ABCC1: variants seen among roughly 807,000 people sequenced by gnomAD.
ABCC1 encodes multidrug resistance-associated protein 1.
Under a neutral mutation model 172.9 loss-of-function variants are expected in ABCC1, and 83 were observed. The ratio of observed to expected loss-of-function variants is 0.48; its 90% CI spans 0.40 to 0.58. ABCC1 has a LOEUF of 0.58. ABCC1 is among the 20% of genes least tolerant of loss of function. The pLI, the probability that ABCC1 is intolerant of heterozygous loss-of-function variation, is 0.00. For synonymous variants in ABCC1, 937 were observed against 825.2 expected (o/e 1.14, Z -2.32); for missense variants, 1,817 against 2,002.7 (o/e 0.91, Z 1.77).
chr16:16,034,377 A>G (rs1404854481), intron 6 of ABCC1, among the ~76,000 whole-genome samples: 5 of 152,100 alleles, frequency 3.3e-5, no homozygotes, highest in African/African-American at 1.2e-4. Context: ...GATGTTTTAA[A>G]TAATTTCTTC....
chr16:16,012,553 T>G (rs1011979171), intron 3 of ABCC1, among the ~76,000 whole-genome samples: 1 of 151,356 alleles, frequency 6.6e-6, no homozygotes, highest in African/African-American at 2.4e-5. Context: ...CAGGCTAGTC[T>G]TAAACTCCCG....
intron 13 of ABCC1, among the ~76,000 whole-genome samples, chr16:16,069,681 A>G (rs557476308): frequency 3.9e-5 from 6 of 152,254 alleles, no homozygotes; most frequent in Non-Finnish European, 4.4e-5. Context: ...AAGTGTACAC[A>G]GAAGTAGAAT....
intron 8 of ABCC1, among the ~76,000 whole-genome samples, chr16:16,045,299 G>A (rs2049158263): frequency 6.8e-6 from 1 of 147,172 alleles, no homozygotes; most frequent in Non-Finnish European, 1.5e-5. Context: ...TCAGGAGGCT[G>A]AGGCATAAAA....
At chr16:16,111,035 G>C (rs1349233940) in intron 21 of ABCC1, among the ~76,000 whole-genome samples, 1 of 151,968 alleles carries the variant, frequency 6.6e-6, no homozygotes, top group Non-Finnish European at 1.5e-5. Flanking sequence ...CAATTAGCTG[G>C]GATTACAGAT....
At chr16:16,079,818 G>GT (rs796877584) in intron 16 of ABCC1, among the ~76,000 whole-genome samples, 5,548 of 140,572 alleles carry the variant, frequency 0.039, 277 homozygotes, top group African/African-American at 0.12. Context: ...TTATTATTGT[G>GT]TTTTTTTTTT....
At chr16:16,136,772 A>AC (rs904275422) in intron 29 of ABCC1, 128 bp downstream of exon 29, 23 of 1,102,828 alleles carry the variant, frequency 2.1e-5, no homozygotes, top group African/African-American at 3.2e-5. Context: ...TTGTCCCTTC[A>AC]CCTCTTGGAG....
At chr16:16,018,297 G>C (rs541510950) in intron 5 of ABCC1, among the ~76,000 whole-genome samples, 5 of 152,120 alleles carry the variant, frequency 3.3e-5, no homozygotes, top group African/African-American at 1.2e-4. Flanking sequence ...ACCTGTAATC[G>C]CAGCACTTTG....
intron 19 of ABCC1, chr16:16,099,015 C>T: frequency 1.1e-6 from 1 of 946,314 alleles, no homozygotes; most frequent in Non-Finnish European, 1.5e-6. Flanking sequence ...GTTTTCACCC[C>T]TCCGGTTGTT....
intron 13 of ABCC1, among the ~76,000 whole-genome samples, chr16:16,070,961 C>T (rs2050323317): frequency 6.6e-6 from 1 of 152,214 alleles, no homozygotes; most frequent in African/African-American, 2.4e-5. Flanking sequence ...TCCAAGTTTT[C>T]TGGAATATCT....
intron 1 of ABCC1, among the ~76,000 whole-genome samples, chr16:15,959,600 A>G (rs2046083705): frequency 6.6e-6 from 1 of 152,248 alleles, no homozygotes; most frequent in Non-Finnish European, 1.5e-5. Flanking sequence ...TGCTGGGATT[A>G]CAGGCGTGAG....
At chr16:16,043,222 G>GTTTTTTTTT (rs147161637) in intron 7 of ABCC1, among the ~76,000 whole-genome samples, 4 of 89,494 alleles carry the variant, frequency 4.5e-5, no homozygotes, top group African/African-American at 1.0e-4. Context: ...TGGCTGGACT[G>GTTTTTTTTT]TTTTTTTTTT....
At chr16:16,102,584 C>T in intron 19 of ABCC1, 43 bp from the exon 20 acceptor site, 1 of 1,540,556 alleles carries the variant, frequency 6.5e-7, no homozygotes, top group Admixed American at 2.0e-5. Flanking sequence ...TTAGCATCTG[C>T]CTCATATAAC....
intron 1 of ABCC1, among the ~76,000 whole-genome samples, chr16:15,960,158 T>C (rs2046095994): frequency 2.0e-5 from 3 of 152,152 alleles, no homozygotes; most frequent in African/African-American, 7.2e-5. Context: ...ACCACTGCAC[T>C]GCAGTCTCGA....
At chr16:16,069,602 T>G (rs1256570622) in intron 13 of ABCC1, among the ~76,000 whole-genome samples, 1 of 151,974 alleles carries the variant, frequency 6.6e-6, no homozygotes, top group Non-Finnish European at 1.5e-5. Context: ...AACCGTAAAA[T>G]TTGGTAGTAC....
chr16:15,969,138 AG>A (rs2046313092), intron 1 of ABCC1, among the ~76,000 whole-genome samples: 1 of 152,082 alleles, frequency 6.6e-6, no homozygotes, highest in Non-Finnish European at 1.5e-5. Flanking sequence ...TGGGAGGAGG[AG>A]GTTGTAGAGA....
intron 26 of ABCC1, among the ~76,000 whole-genome samples, chr16:16,128,664 A>T (rs1017077866): frequency 6.6e-6 from 1 of 152,208 alleles, no homozygotes. Context: ...TATGTACATA[A>T]ATTATAAAAT....
Position 16,033,319 on chromosome 16 carries a change from GT to G in ABCC1, c.677+150del, listed in dbSNP as rs1458245761. The G allele has an allele frequency of 3.9e-6, 3 of 760,476 alleles. No individual in the cohort carries two copies. The African/African-American group carries it at 5.2e-5, about 13-fold the overall frequency. 47.1% of individuals were successfully genotyped at this position (760,476 alleles called of 1,614,324 possible). On this transcript the variant is annotated intron_variant, in intron 6 of 30. Coordinates refer to ENST00000399410, the MANE Select transcript of ABCC1 (RefSeq NM_004996.4). The stretch of plus-strand genomic sequence containing the variant: ...TCTTGAATCTGCCTGTGCTGGCCAT[GT>G]GGTCTCAGAGACACCAACTCTGTCC...
At chr16:16,067,795 C>G (rs2050168482) in intron 12 of ABCC1, among the ~76,000 whole-genome samples, 2 of 151,916 alleles carry the variant, frequency 1.3e-5, no homozygotes, top group South Asian at 4.1e-4. Context: ...CAGGTGGCCC[C>G]CTGGATGGAA....
intron 16 of ABCC1, among the ~76,000 whole-genome samples, chr16:16,080,331 G>A (rs2050758923): frequency 6.6e-6 from 1 of 152,124 alleles, no homozygotes; most frequent in African/African-American, 2.4e-5. Flanking sequence ...TTTTTAAAGG[G>A]AACAGTTTAA....
Sources: gnomAD v4.1 joint callset for allele counts (sites outside exome capture counted in the v4.1 genomes callset) on GRCh38, gnomAD v4.1.1 for gene constraint, MANE v1.5 for transcripts, NCBI Gene and HGNC (gene_info 2026-07-23, HGNC 2026-07-21) for gene names.